DGLUCY: variants seen among roughly 807,000 people sequenced by gnomAD.
DGLUCY encodes the protein D-glutamate cyclase, mitochondrial.
Under a neutral mutation model 58.5 loss-of-function variants are expected in DGLUCY, and 58 were observed. That is an observed-to-expected ratio of 0.99 (90% confidence interval 0.80 to 1.23). The LOEUF is 1.23. DGLUCY is among the 50% of genes most tolerant of loss of function. DGLUCY has a pLI of 0.00. For missense variants in DGLUCY, 779 were observed against 784.7 expected (o/e 0.99, Z 0.09); for synonymous variants, 325 against 314.1 (o/e 1.03, Z -0.37).
At chr14:91,154,450 G>A (rs1413135269) in intron 1 of DGLUCY, among the ~76,000 whole-genome samples, 2 of 152,052 alleles carry the variant, frequency 1.3e-5, no homozygotes, top group African/African-American at 2.4e-5. Context: ...ATTCTTTGTC[G>A]GGCACCCATG....
intron 13 of DGLUCY, among the ~76,000 whole-genome samples, chr14:91,224,199 C>T (rs2140814158): frequency 6.6e-6 from 1 of 152,298 alleles, no homozygotes; most frequent in South Asian, 2.1e-4. Flanking sequence ...CTGCACTGCA[C>T]CTGCAGGAGG....
intron 13 of DGLUCY, chr14:91,220,797 G>A (rs1375213761): frequency 2.4e-6 from 1 of 413,566 alleles, no homozygotes; most frequent in South Asian, 1.7e-5. Context: ...AGAGCCCAGG[G>A]CCAAGGGAGT....
At chr14:91,152,015 C>T (rs1005431774) in intron 1 of DGLUCY, among the ~76,000 whole-genome samples, 1 of 152,174 alleles carries the variant, frequency 6.6e-6, no homozygotes, top group East Asian at 1.9e-4. Flanking sequence ...TCCTACCTTA[C>T]TCAGCTCCAC....
chr14:91,096,224 GC>G (rs1357209281), intron 1 of DGLUCY, among the ~76,000 whole-genome samples: 7 of 152,042 alleles, frequency 4.6e-5, no homozygotes, highest in Non-Finnish European at 1.0e-4. Flanking sequence ...GACCAACCTG[GC>G]CAACATGGCA....
chr14:91,196,110 T>C (rs1464780674), intron 9 of DGLUCY, among the ~76,000 whole-genome samples: 1 of 152,216 alleles, frequency 6.6e-6, no homozygotes, highest in African/African-American at 2.4e-5. Context: ...CATGGTATTA[T>C]GGGCATCTTA....
intron 8 of DGLUCY, among the ~76,000 whole-genome samples, chr14:91,181,835 C>CG: frequency 6.6e-6 from 1 of 151,618 alleles, no homozygotes; most frequent in African/African-American, 2.4e-5. Flanking sequence ...TTAGCAGAGA[C>CG]AGGATTTCAC....
At chr14:91,218,792 A>G (rs1886994892) in intron 13 of DGLUCY, among the ~76,000 whole-genome samples, 1 of 152,154 alleles carries the variant, frequency 6.6e-6, no homozygotes, top group South Asian at 2.1e-4. Flanking sequence ...CTAGGGGACA[A>G]TGAGGAGTCA....
chr14:91,166,655 ACT>A (rs1313894756), intron 3 of DGLUCY, among the ~76,000 whole-genome samples: 4 of 150,516 alleles, frequency 2.7e-5, no homozygotes, highest in Non-Finnish European at 5.9e-5. Context: ...ACAAAGCGAG[ACT>A]CTGTCTCAAA....
At chr14:91,213,794 G>A (rs1302048544) in intron 12 of DGLUCY, among the ~76,000 whole-genome samples, 1 of 151,976 alleles carries the variant, frequency 6.6e-6, no homozygotes, top group African/African-American at 2.4e-5. Flanking sequence ...CCACCTCCCG[G>A]GTTCAAGTGG....
intron 1 of DGLUCY, among the ~76,000 whole-genome samples, chr14:91,072,779 T>C (rs925654750): frequency 6.6e-6 from 1 of 152,048 alleles, no homozygotes; most frequent in African/African-American, 2.4e-5. Context: ...CCCAGCACTT[T>C]GGGAGGCCGA....
rs551743683 is a variant in DGLUCY at position 91,072,231 on chromosome 14, C to T, written c.-82+11527C>T. Among the ~76,000 whole-genome samples, 23 of 150,866 alleles carry T rather than the reference C, an allele frequency of 1.5e-4. No individual in the cohort carries two copies. In the South Asian group the frequency reaches 2.9e-3, roughly 19 times the overall value. Reference sequence around the variant, plus strand: ...CCCAGCTACTCGGGAGGCTGAGGCACGAGAATCTCTTGAATGTGGGAGTTG... The same window carrying T: ...CCCAGCTACTCGGGAGGCTGAGGCATGAGAATCTCTTGAATGTGGGAGTTG... On this transcript the variant is annotated intron_variant, in intron 1 of 4. Transcript: ENST00000521334.
chr14:91,144,588 T>C (rs572161507), intron 1 of DGLUCY, among the ~76,000 whole-genome samples: 35 of 152,248 alleles, frequency 2.3e-4, no homozygotes, highest in Admixed American at 1.8e-3. Flanking sequence ...GGAGTCATCC[T>C]GATTGGACCA....
chr14:91,141,613 G>A (rs1366078171), intron 1 of DGLUCY, among the ~76,000 whole-genome samples: 5 of 149,520 alleles, frequency 3.3e-5, no homozygotes, highest in Admixed American at 2.7e-4. Context: ...GTGCAATGGC[G>A]CAATTTTGGC....
chr14:91,187,655 C>T, intron 8 of DGLUCY, among the ~76,000 whole-genome samples: 1 of 152,188 alleles, frequency 6.6e-6, no homozygotes, highest in Non-Finnish European at 1.5e-5. Flanking sequence ...TGAGGATGCC[C>T]TCTGTCCCTC....
chr14:91,189,250 A>G, intron 9 of DGLUCY, 80 bp downstream of exon 9: 2 of 1,548,318 alleles, frequency 1.3e-6, no homozygotes, highest in Admixed American at 1.7e-5. Flanking sequence ...CATCTGCAGT[A>G]CAGAGCATTC....
chr14:91,218,305 G>A (rs183022913), intron 13 of DGLUCY, among the ~76,000 whole-genome samples: 4 of 152,138 alleles, frequency 2.6e-5, no homozygotes, highest in African/African-American at 4.8e-5. Context: ...AAATCACACA[G>A]CCCAACACAC....
intron 10 of DGLUCY, among the ~76,000 whole-genome samples, chr14:91,199,368 T>G (rs1344877037): frequency 6.6e-6 from 1 of 152,076 alleles, no homozygotes; most frequent in Admixed American, 6.6e-5. Flanking sequence ...CAAGTGATTC[T>G]TCTGCATCAG....
rs374622711 is a variant in DGLUCY at position 91,224,885 on chromosome 14, C to T, written c.*52C>T. The T allele has an allele frequency of 9.3e-5, 141 of 1,515,110 alleles. 1 individual carries two copies. The African/African-American group carries it at 1.4e-3, about 15-fold the overall frequency. The allele number at this position is 1,515,110 out of a possible 1,614,324, so 93.9% of individuals were successfully genotyped here. A position where few individuals can be genotyped will look rare whatever the true frequency, so the allele number is the denominator to read the frequency against. Reference sequence around the variant, plus strand: ...CCCTACCAACGGGCAGGTCTGCATCCGGGGAGAATGCAGCTGCTTCTGGCG... The same window carrying T: ...CCCTACCAACGGGCAGGTCTGCATCTGGGGAGAATGCAGCTGCTTCTGGCG... On this transcript the variant is annotated 3_prime_UTR_variant, in exon 14 of 14. Transcript: ENST00000256324.
chr14:91,076,078 A>G (rs1459066440), intron 1 of DGLUCY, among the ~76,000 whole-genome samples: 1 of 151,302 alleles, frequency 6.6e-6, no homozygotes, highest in Non-Finnish European at 1.5e-5. Context: ...GTGCCACTGC[A>G]CTCCAGCCTG....
Sources: gnomAD v4.1 joint callset for allele counts (sites outside exome capture counted in the v4.1 genomes callset) on GRCh38, gnomAD v4.1.1 for gene constraint, MANE v1.5 for transcripts, NCBI Gene and HGNC (gene_info 2026-07-23, HGNC 2026-07-21) for gene names.